The following MYSM1 variants were observed in gnomAD, a reference collection of about 807,000 sequenced individuals.
MYSM1 encodes the protein Myb like, SWIRM and MPN domains 1.
A neutral mutation model predicts 116.0 loss-of-function variants in MYSM1; 51 were observed. That is an observed-to-expected ratio of 0.44 (90% CI 0.35 to 0.56). MYSM1 has a LOEUF of 0.56. Ranked by LOEUF, MYSM1 falls within the 20% of genes least tolerant of loss-of-function variation. The pLI is 0.00. For missense variants in MYSM1, 900 were observed against 974.9 expected (o/e 0.92, Z 1.02); for synonymous variants, 313 against 315.2 (o/e 0.99, Z 0.07).
At chr1:58,685,097 G>T in intron 7 of MYSM1, 56 bp downstream of exon 7, 2 of 1,379,408 alleles carry the variant, frequency 1.4e-6, no homozygotes, top group Non-Finnish European at 9.8e-7. Flanking sequence ...AAATACTTCT[G>T]CTTAGTTTTT....
chr1:58,662,199 G>A (rs111754468), intron 17 of MYSM1, among the ~76,000 whole-genome samples: 62 of 152,122 alleles, frequency 4.1e-4, no homozygotes, highest in Non-Finnish European at 7.4e-4. Context: ...CTAAACTCTG[G>A]AGGAAAGAAA....
chr1:58,679,898 C>T (rs546897981), intron 8 of MYSM1, among the ~76,000 whole-genome samples: 4 of 151,974 alleles, frequency 2.6e-5, no homozygotes, highest in East Asian at 3.9e-4. Flanking sequence ...CGTGGTGGCA[C>T]GCACCTGTAG....
chr1:58,662,654 G>C (rs772963382), intron 17 of MYSM1, among the ~76,000 whole-genome samples: 12 of 149,522 alleles, frequency 8.0e-5, no homozygotes, highest in African/African-American at 2.7e-4. Context: ...AAATCAGAAG[G>C]CATGGAAAAA....
chr1:58,697,075 T>C (rs1644985690), intron 1 of MYSM1, among the ~76,000 whole-genome samples: 1 of 152,088 alleles, frequency 6.6e-6, no homozygotes, highest in Admixed American at 6.5e-5. Context: ...TACAGGACAA[T>C]GTGAACAGGA....
At chr1:58,694,096 CCT>C (rs550282249) in intron 2 of MYSM1, among the ~76,000 whole-genome samples, 31 of 152,326 alleles carry the variant, frequency 2.0e-4, no homozygotes, top group Non-Finnish European at 4.3e-4. Flanking sequence ...AATCTCACCT[CCT>C]CTGAGATTCC....
intron 9 of MYSM1, among the ~76,000 whole-genome samples, chr1:58,675,896 T>C (rs1007885771): frequency 1.3e-5 from 2 of 152,190 alleles, no homozygotes; most frequent in Admixed American, 1.3e-4. Flanking sequence ...AGTCTCAATA[T>C]TCAAGGCTTT....
chr1:58,694,630 A>T (rs1644948098), intron 2 of MYSM1, among the ~76,000 whole-genome samples: 1 of 151,886 alleles, frequency 6.6e-6, no homozygotes, highest in Non-Finnish European at 1.5e-5. Flanking sequence ...AAAAAAAAAA[A>T]GTAACTACTA....
At chr1:58,675,670 G>T in intron 9 of MYSM1, 90 bp from the exon 10 acceptor site, 3 of 895,140 alleles carry the variant, frequency 3.4e-6, no homozygotes, top group Non-Finnish European at 3.5e-6. Flanking sequence ...ACTATAGTGG[G>T]GCTTCTATGA....
intron 9 of MYSM1, among the ~76,000 whole-genome samples, chr1:58,676,409 A>T (rs1644653580): frequency 6.6e-6 from 1 of 151,640 alleles, no homozygotes; most frequent in East Asian, 1.9e-4. Flanking sequence ...GAGCGAGAAA[A>T]AAAAAAAAAA....
At chr1:58,674,729 T>C (rs1644618583) in intron 10 of MYSM1, among the ~76,000 whole-genome samples, 1 of 151,924 alleles carries the variant, frequency 6.6e-6, no homozygotes, top group Non-Finnish European at 1.5e-5. Context: ...ATCGAGACCA[T>C]CCTGGCTAAC....
At position 58,659,918 on chromosome 1, in the gene MYSM1, A is replaced by T. The variant is rs1282260272; in HGVS notation, c.*79T>A. 2.1e-6 allele frequency: 2 copies of T among 952,130 alleles called. No homozygotes were observed. The highest frequency in any genetic ancestry group is 1.7e-5 in the African/African-American group (1 of 58,544). The allele number at this position is 952,130 out of a possible 1,614,324, so 59.0% of individuals were successfully genotyped here. A position where few individuals can be genotyped will look rare whatever the true frequency, so the allele number is the denominator to read the frequency against. ...AAAATACCAAAGCTGTGCCAATGTT[A>T]ACTACAATCACTTCAAGTTTATAAC... On this transcript the variant is annotated 3_prime_UTR_variant, in exon 20 of 20. Coordinates refer to ENST00000472487, the MANE Select transcript of MYSM1 (RefSeq NM_001085487.3).
intron 3 of MYSM1, 48 bp from the exon 4 acceptor site, chr1:58,690,465 AT>A: frequency 7.8e-7 from 1 of 1,286,650 alleles, no homozygotes. Flanking sequence ...CAGTCATGTA[AT>A]TTTTACATTA....
intron 12 of MYSM1, among the ~76,000 whole-genome samples, chr1:58,669,574 TC>T (rs1440171689): frequency 6.6e-6 from 1 of 152,012 alleles, no homozygotes; most frequent in African/African-American, 2.4e-5. Flanking sequence ...CATCTGTAAT[TC>T]CAACACTTCA....
At chr1:58,667,807 A>G in intron 15 of MYSM1, 40 bp downstream of exon 15, 1 of 1,170,854 alleles carries the variant, frequency 8.5e-7, no homozygotes, top group Non-Finnish European at 1.3e-6. Context: ...TGGTAGTAGG[A>G]CTAAATAACT....
rs528387545 is a variant in MYSM1 at position 58,670,066 on chromosome 1, A to G, written c.1662-1028T>C. 2.0e-5 allele frequency among the ~76,000 whole-genome samples: 3 copies of G among 152,306 alleles called. No individual in the cohort carries two copies. In the East Asian group the frequency reaches 5.8e-4, roughly 29 times the overall value. ...TAACACAACTGGAAGAGAGCAGGGC[A>G]ATTCCATTTCCATTCAACCATAGAT... On this transcript the variant is annotated intron_variant, in intron 12 of 19. Coordinates refer to ENST00000472487, the MANE Select transcript of MYSM1 (RefSeq NM_001085487.3).
Position 58,667,735 on chromosome 1 carries a change from T to C in MYSM1, c.1842+112A>G, listed in dbSNP as rs1470112025. 4.2e-5 allele frequency: 29 copies of C among 683,776 alleles called. 1 individual carries two copies. The Admixed American group carries it at 5.5e-4, about 13-fold the overall frequency. The allele number at this position is 683,776 out of a possible 1,614,324, so 42.4% of individuals were successfully genotyped here. On this transcript the variant is annotated intron_variant, in intron 15 of 19. Coordinates refer to ENST00000472487, the MANE Select transcript of MYSM1 (RefSeq NM_001085487.3). ...CTTGCTACATTTGCATATTCTCATA[T>C]ATATCATAGGTAAAGTCTGTATTTT...
intron 1 of MYSM1, among the ~76,000 whole-genome samples, chr1:58,697,471 G>A (rs1644991952): frequency 6.6e-6 from 1 of 152,048 alleles, no homozygotes; most frequent in African/African-American, 2.4e-5. Context: ...GTCTTAAGAG[G>A]GACAGTGTGG....
chr1:58,676,482 G>A (rs1644654801), intron 9 of MYSM1, among the ~76,000 whole-genome samples: 1 of 151,378 alleles, frequency 6.6e-6, no homozygotes. Context: ...AAAAACTAAG[G>A]TACAATTGTC....
At chr1:58,687,224 T>C (rs191507493) in intron 6 of MYSM1, among the ~76,000 whole-genome samples, 4 of 152,122 alleles carry the variant, frequency 2.6e-5, no homozygotes, top group African/African-American at 9.6e-5. Context: ...GTTTAAAATC[T>C]CCCTTAATGT....
Sources: allele counts gnomAD v4.1 joint callset (sites outside exome capture counted in the v4.1 genomes callset), GRCh38; gene constraint gnomAD v4.1.1; transcripts MANE v1.5; gene names NCBI Gene and HGNC (gene_info 2026-07-23, HGNC 2026-07-21).